Variants in STRN3 observed in about 807,000 individuals in gnomAD.
STRN3 encodes striatin-3.
Under a neutral mutation model 95.6 loss-of-function variants are expected in STRN3, and 29 were observed. The observed-to-expected ratio is 0.30, with a 90% CI of 0.23 to 0.41. The LOEUF (loss-of-function observed/expected upper bound fraction) is 0.41. Among genes scored for constraint, STRN3 ranks in the 10% least tolerant of loss-of-function variants. The pLI is 1.00. For synonymous variants in STRN3, 331 were observed against 357.6 expected, an observed-to-expected ratio of 0.93 and a Z score of 0.84; for missense variants, 890 against 972.1, an observed-to-expected ratio of 0.92 and a Z score of 1.12.
intron 5 of STRN3, among the ~76,000 whole-genome samples, chr14:30,942,092 T>A (rs761267544): frequency 6.6e-6 from 1 of 152,242 alleles, no homozygotes; most frequent in Non-Finnish European, 1.5e-5. Context: ...TTATGTTTAA[T>A]AAGCTTTCCC....
chr14:30,947,363 G>A lies in STRN3; in HGVS notation c.543-100C>T, dbSNP rs1201459620. 5 of 919,818 alleles carry A rather than the reference G, an allele frequency of 5.4e-6. No individual in the cohort carries two copies. In the Admixed American group the frequency reaches 1.5e-4, roughly 28 times the overall value. The allele number at this position is 919,818 out of a possible 1,614,324, so 57.0% of individuals were successfully genotyped here. On this transcript the variant is annotated intron_variant, in intron 4 of 17. Coordinates refer to ENST00000357479, the MANE Select transcript of STRN3 (RefSeq NM_001083893.2). Reference sequence around the variant, plus strand: ...AAAAACCCATAATCCTATAAAATATGCTCTCCCTTTGTCTCAGTATCTTTC... The same window carrying A: ...AAAAACCCATAATCCTATAAAATATACTCTCCCTTTGTCTCAGTATCTTTC...
At chr14:30,936,657 T>C (rs934099249) in intron 5 of STRN3, 33 bp from the exon 6 acceptor site, 11 of 1,588,200 alleles carry the variant, frequency 6.9e-6, no homozygotes, top group Non-Finnish European at 8.5e-6. Flanking sequence ...AATCCAACTA[T>C]TCCAATGGTT....
chr14:30,911,115 A>C lies in STRN3; in HGVS notation c.1646T>G (p.Phe549Cys), dbSNP rs1566430444. 3.1e-6 allele frequency: 5 copies of C among 1,614,122 alleles called. No homozygotes were observed. Among genetic ancestry groups the C allele is most frequent in the Non-Finnish European group, 4.2e-6 (5 of 1,180,026 alleles). Residue 549 changes from phenylalanine (F) to cysteine (C), a missense_variant, in exon 13 of 18, where the codon TTT becomes TGT. Around this residue, in one of 3 missense-constraint regions of STRN3, gnomAD observed 357 missense variants for 422.8 expected, o/e 0.84. Transcript: ENST00000357479. ...LAISSNGEQCFSGGIDATIQW... is the reference protein window; with the variant it reads ...LAISSNGEQCCSGGIDATIQW... ...GATGGTTGCATCAATACCACCACTA[A>C]AACACTGTTCTCCATTAGAACTAAT... is the stretch of plus-strand genomic sequence containing the variant.
chr14:31,025,459 G>A (rs1419804828), intron 1 of STRN3: 2 of 155,422 alleles, frequency 1.3e-5, no homozygotes, highest in South Asian at 2.4e-4. Flanking sequence ...GGAAAGGGGG[G>A]TGGTCCGGAA....
chr14:30,975,758 A>G (rs1881069977), intron 1 of STRN3, among the ~76,000 whole-genome samples: 1 of 150,356 alleles, frequency 6.7e-6, no homozygotes, highest in Non-Finnish European at 1.5e-5. Flanking sequence ...ACTTGAACCC[A>G]GGAGATCAAG....
chr14:30,973,333 T>TG (rs1880927542), intron 1 of STRN3, among the ~76,000 whole-genome samples: 3 of 58,070 alleles, frequency 5.2e-5, no homozygotes, highest in East Asian at 4.7e-4. Context: ...ACCCTTTAGG[T>TG]GGGGGGGAGG....
intron 12 of STRN3, 148 bp from the exon 13 acceptor site, chr14:30,911,310 T>A (rs1292833139): frequency 1.2e-5 from 11 of 943,758 alleles, no homozygotes; most frequent in Non-Finnish European, 1.5e-5. Flanking sequence ...TTTTTTTTTT[T>A]TTTTTTGGAG....
chr14:30,990,763 T>A (rs1881915949), intron 1 of STRN3, among the ~76,000 whole-genome samples: 1 of 152,196 alleles, frequency 6.6e-6, no homozygotes. Context: ...ATGCATATCC[T>A]CCCATATACT....
chr14:30,977,334 T>C (rs754082777), intron 1 of STRN3, among the ~76,000 whole-genome samples: 86 of 151,414 alleles, frequency 5.7e-4, no homozygotes, highest in Non-Finnish European at 9.6e-4. Flanking sequence ...TAATAAAAAA[T>C]AGAACACAGA....
rs750065853 is a variant in STRN3 at position 30,918,997 on chromosome 14, C to G, written c.1209G>C (p.Met403Ile). Residue 403 changes from methionine to isoleucine, a missense_variant, in exon 9 of 18, where the codon ATG becomes ATC. By Grantham distance (10) the Met-to-Ile change is conservative. This residue lies in a region of STRN3 where 526 missense variants were observed against 526.3 expected (regional missense o/e 1.00). Transcript: ENST00000357479. ...CTGCTCTTGCACCTTCATGATCAGT[C>G]ATTCTAGTAGAGGCTGACCTAGACT... is the stretch of plus-strand genomic sequence containing the variant. ...INQSRSASTR[M>I]TDHEGARAEE... The G allele has an allele frequency of 1.0e-5, 16 of 1,598,648 alleles. No individual in the cohort carries two copies. Among genetic ancestry groups the G allele is most frequent in the Non-Finnish European group, 1.3e-5 (15 of 1,171,440 alleles).
chr14:30,984,265 C>A (rs58980241), intron 1 of STRN3, among the ~76,000 whole-genome samples: 1 of 13,662 alleles, frequency 7.3e-5, no homozygotes. Context: ...ATGAGGAATT[C>A]TAAAAAAAAA....
chr14:30,932,403 C>T (rs1878585111), intron 7 of STRN3: 1 of 152,086 alleles, frequency 6.6e-6, no homozygotes, highest in Non-Finnish European at 1.5e-5. Flanking sequence ...ATGACTATAA[C>T]ATCTTGTTGA....
At chr14:30,947,744 C>T (rs1594479299) in intron 4 of STRN3, among the ~76,000 whole-genome samples, 1 of 152,250 alleles carries the variant, frequency 6.6e-6, no homozygotes, top group East Asian at 1.9e-4. Context: ...CACACTAATT[C>T]TCCTTCTAGG....
intron 9 of STRN3, among the ~76,000 whole-genome samples, chr14:30,916,570 C>T (rs956862986): frequency 1.6e-4 from 24 of 151,628 alleles, no homozygotes; most frequent in African/African-American, 4.4e-4. Context: ...CCACCGCGCC[C>T]GGCCTAAAAA....
intron 1 of STRN3, among the ~76,000 whole-genome samples, chr14:30,968,255 G>A (rs1463504360): frequency 6.8e-6 from 1 of 146,280 alleles, no homozygotes; most frequent in African/African-American, 2.5e-5. Context: ...CCAACATGAA[G>A]TTCACTTCAG....
In STRN3 at chr14:30,895,728, C is replaced by T. The variant is rs774205520; in HGVS notation, c.2158G>A (p.Val720Ile). Residue 720 changes from valine (V) to isoleucine (I), a missense_variant, in exon 17 of 18, where the codon GTA (valine) becomes ATA (isoleucine). By Grantham distance (29) the Val-to-Ile change is conservative. This residue lies in a region of STRN3 where 357 missense variants were observed against 422.8 expected (regional missense o/e 0.84). Transcript: ENST00000357479. ...CTTGTAACAGCATCCAAGTGAGCTACCATAGAATGGATCATTTTACCTAAA... is the reference window on the plus strand; with the variant it reads ...CTTGTAACAGCATCCAAGTGAGCTATCATAGAATGGATCATTTTACCTAAA... The part of the protein sequence containing the change: ...NKTGKMIHSM[V>I]AHLDAVTSLA... 5 of 1,613,010 alleles carry T rather than the reference C, an allele frequency of 3.1e-6. No individual in the cohort carries two copies. Among genetic ancestry groups the T allele is most frequent in the East Asian group, 4.5e-5 (2 of 44,870 alleles).
chr14:30,934,984 A>C (rs1878745869), intron 7 of STRN3, among the ~76,000 whole-genome samples, 179 bp downstream of exon 7: 1 of 152,246 alleles, frequency 6.6e-6, no homozygotes, highest in Admixed American at 6.5e-5. Flanking sequence ...TAAATAGTTT[A>C]GTCACCAAAT....
chr14:31,005,416 T>C (rs755886609), intron 1 of STRN3, among the ~76,000 whole-genome samples: 3 of 152,218 alleles, frequency 2.0e-5, no homozygotes, highest in Non-Finnish European at 4.4e-5. Context: ...AATCAGTAAA[T>C]GGCACCTTAC....
intron 1 of STRN3, among the ~76,000 whole-genome samples, chr14:31,006,600 C>T (rs1882728548): frequency 6.6e-6 from 1 of 152,088 alleles, no homozygotes; most frequent in Non-Finnish European, 1.5e-5. Context: ...GAGGCTAAGA[C>T]AGGAGAATCA....
Sources: allele counts gnomAD v4.1 joint callset (sites outside exome capture counted in the v4.1 genomes callset), GRCh38; gene constraint gnomAD v4.1.1; regional missense constraint gnomAD v4.1.1; transcripts MANE v1.5; gene names NCBI Gene and HGNC (gene_info 2026-07-23, HGNC 2026-07-21).